Variants in WSB1 observed in about 807,000 individuals in gnomAD.
WSB1 encodes the protein WD repeat and SOCS box containing 1, also known as WD repeat and SOCS box-containing protein 1.
In WSB1, 23 loss-of-function variants were observed where a neutral mutation model predicts 50.2. The ratio of observed to expected loss-of-function variants is 0.46; its 90% CI spans 0.33 to 0.65. The LOEUF (loss-of-function observed/expected upper bound fraction) is 0.65, where lower values mean the gene tolerates loss of function less well. WSB1 is among the 30% of genes least tolerant of loss of function. WSB1 has a pLI of 0.02. For synonymous variants in WSB1, 179 were observed against 172.0 expected, an observed-to-expected ratio of 1.04 and a Z score of -0.32; for missense variants, 492 against 522.3, an observed-to-expected ratio of 0.94 and a Z score of 0.56.
chr17:27,304,210 G>A (rs2017350242), intron 3 of WSB1, among the ~76,000 whole-genome samples: 1 of 151,962 alleles, frequency 6.6e-6, no homozygotes, highest in African/African-American at 2.4e-5. Flanking sequence ...TACTAACATA[G>A]GTGATAATGA....
intron 1 of WSB1, among the ~76,000 whole-genome samples, chr17:27,295,806 A>G (rs1348116224): frequency 6.7e-6 from 1 of 148,922 alleles, no homozygotes; most frequent in Admixed American, 6.7e-5. Context: ...CTGATAAACC[A>G]TTTTGAAAAC....
chr17:27,310,096 G>A lies in WSB1; in HGVS notation c.920G>A (p.Gly307Glu). 4 of 1,614,070 alleles carry A rather than the reference G, an allele frequency of 2.5e-6. No individual in the cohort carries two copies. The highest frequency in any genetic ancestry group is 3.4e-6 in the Non-Finnish European group (4 of 1,179,970). ...LFPPPTPIFA[G>E]GANDRWVRSV... ...CCCCCACCTACTCCAATATTTGCTGGAGGAGCAAATGACCGGTGGGTACGA... is the reference window on the plus strand; with the variant it reads ...CCCCCACCTACTCCAATATTTGCTGAAGGAGCAAATGACCGGTGGGTACGA... The change falls in exon 7 of 9, where the codon GGA becomes GAA. Residue 307 changes from glycine to glutamate, a missense_variant. Physicochemically the swap from Gly to Glu is moderately conservative, Grantham distance 98. Transcript: ENST00000262394.
At chr17:27,297,204 C>G (rs183743083) in intron 1 of WSB1, 2 of 152,050 alleles carry the variant, frequency 1.3e-5, no homozygotes, top group East Asian at 3.8e-4. Context: ...CTCGCTCCGT[C>G]GTCCAGGCTG....
intron 5 of WSB1, 77 bp downstream of exon 5, chr17:27,306,959 A>G (rs1567689905): frequency 7.1e-7 from 1 of 1,407,300 alleles, no homozygotes; most frequent in Non-Finnish European, 1.0e-6. Flanking sequence ...AAATCTAAGT[A>G]ACCTATGAAG....
Position 27,312,238 on chromosome 17 carries a change from G to C in WSB1, c.1135G>C (p.Ala379Pro). The C allele has an allele frequency of 6.2e-7, 1 of 1,611,772 alleles. No homozygotes were observed. The highest frequency in any genetic ancestry group is 8.5e-7 in the Non-Finnish European group (1 of 1,179,494). ...GTHDGSVYFW[A>P]TPRQVPSLQH... ...ACATGACGGAAGTGTGTATTTTTGG[G>C]CCACTCCACGGCAGGTCCCTAGCCT... The change falls in exon 9 of 9, where the codon GCC becomes CCC. Residue 379 changes from alanine to proline, a missense_variant. Coordinates refer to ENST00000262394, the MANE Select transcript of WSB1 (RefSeq NM_015626.10).
At position 27,313,090 on chromosome 17, in the gene WSB1, T is replaced by C. The variant is rs1488962531; in HGVS notation, c.*721T>C. Reference sequence around the variant, plus strand: ...CTCATACGAAATGTATTTGGTTTTGTTGGAGAGTGTCAGACTGATCTGGAA... The same window carrying C: ...CTCATACGAAATGTATTTGGTTTTGCTGGAGAGTGTCAGACTGATCTGGAA... On this transcript the variant is annotated 3_prime_UTR_variant, in exon 9 of 9. Transcript: ENST00000262394. 6.6e-6 allele frequency: 1 copy of C among 152,410 alleles called. No homozygotes were observed. The highest frequency in any genetic ancestry group is 6.6e-5 in the Admixed American group (1 of 15,248). The allele number at this position is 152,410 out of a possible 1,614,324, so 9.4% of individuals were successfully genotyped here.
At chr17:27,294,843 C>A (rs577244073) in intron 1 of WSB1, among the ~76,000 whole-genome samples, 1 of 152,272 alleles carries the variant, frequency 6.6e-6, no homozygotes, top group South Asian at 2.1e-4. Flanking sequence ...AGGGGGTCCT[C>A]GTGTGTACCA....
intron 7 of WSB1, among the ~76,000 whole-genome samples, chr17:27,310,528 G>A (rs2017637829): frequency 6.6e-6 from 1 of 152,210 alleles, no homozygotes; most frequent in South Asian, 2.1e-4. Flanking sequence ...CAAATAAATA[G>A]TAATTTGTAT....
At chr17:27,307,987 A>G (rs2017527567) in intron 5 of WSB1, 1 of 1,241,228 alleles carries the variant, frequency 8.1e-7, no homozygotes, top group South Asian at 3.5e-5. Context: ...AATTTCCCCC[A>G]CAGTAAAATA....
chr17:27,299,832 C>T (rs1330209727), intron 1 of WSB1, among the ~76,000 whole-genome samples: 3 of 152,106 alleles, frequency 2.0e-5, no homozygotes, highest in Non-Finnish European at 4.4e-5. Flanking sequence ...CAGGCTTATT[C>T]TCTTAGGTCA....
chr17:27,312,361 C>G lies in WSB1; in HGVS notation c.1258C>G (p.Arg420Gly). 1 of 1,613,938 alleles carries G rather than the reference C, an allele frequency of 6.2e-7. No individual in the cohort carries two copies. Among genetic ancestry groups the G allele is most frequent in the African/African-American group, 1.3e-5 (1 of 75,030 alleles). ...CAAGCTTTTGGAGTTTCTCTCGTATCGTATTTAGAAGATTCTGCCTTCCCT... is the reference window on the plus strand; with the variant it reads ...CAAGCTTTTGGAGTTTCTCTCGTATGGTATTTAGAAGATTCTGCCTTCCCT... ...PSKLLEFLSY[R>G]I is the part of the protein sequence containing the mutation. The change falls in exon 9 of 9, where the codon CGT becomes GGT. Residue 420 changes from arginine to glycine, a missense_variant. Arg to Gly is a moderately radical substitution (Grantham distance 125, BLOSUM62 -2). Transcript: ENST00000262394.
chr17:27,307,103 G>A (rs1597765026), intron 5 of WSB1: 1 of 524,940 alleles, frequency 1.9e-6, no homozygotes, highest in East Asian at 3.3e-5. Flanking sequence ...AGATAATAAT[G>A]GGCATATCAG....
Position 27,313,967 on chromosome 17 carries a change from T to A in WSB1, c.*1598T>A, listed in dbSNP as rs1279957927. ...GTCTATCTGGTTAAAGTAGTTATTA[T>A]GAAAATCTAGCAGTCTGGGTCCTTT... On this transcript the variant is annotated 3_prime_UTR_variant, in exon 9 of 9. Coordinates refer to ENST00000262394, the MANE Select transcript of WSB1 (RefSeq NM_015626.10). 1.3e-5 allele frequency: 2 copies of A among 152,324 alleles called. No homozygotes were observed. Among genetic ancestry groups the A allele is most frequent in the East Asian group, 3.9e-4 (2 of 5,192 alleles). 9.4% of individuals were successfully genotyped at this position (152,324 alleles called of 1,614,324 possible).
rs375427589 is a variant in WSB1 at position 27,303,357 on chromosome 17, C to T, written c.210-10C>T. ...ATAATACAATTTCCATCTGACTTCC[C>T]CCACTCCAGTCTCTTGCATGGCACC... is the stretch of plus-strand genomic sequence containing the variant. On this transcript the variant is annotated splice_polypyrimidine_tract_variant and intron_variant, in intron 2 of 8. Transcript: ENST00000262394. 793 of 1,611,734 alleles carry T rather than the reference C, an allele frequency of 4.9e-4. 1 individual carries two copies. Among genetic ancestry groups the T allele is most frequent in the Non-Finnish European group, 6.4e-4 (753 of 1,178,620 alleles).
Position 27,309,184 on chromosome 17 carries a change from C to G in WSB1, c.796C>G (p.Pro266Ala), listed in dbSNP as rs1332432218. Residue 266 changes from proline to alanine, a missense_variant, in exon 6 of 9, where the codon CCT becomes GCT. By Grantham distance (27) the Pro-to-Ala change is conservative. Transcript: ENST00000262394. ...TGATGTGGTAGCTTGTGACTTTTCT[C>G]CTGATGGAGCATTACTGGCTACTGC... The part of the protein sequence containing the change: ...HHDVVACDFS[P>A]DGALLATASY... The G allele has an allele frequency of 1.2e-6, 2 of 1,613,402 alleles. No homozygotes were observed. The highest frequency in any genetic ancestry group is 1.7e-6 in the Non-Finnish European group (2 of 1,179,756).
Position 27,303,892 on chromosome 17 carries a change from T to G in WSB1, c.478+257T>G, listed in dbSNP as rs1597759173. On this transcript the variant is annotated intron_variant, in intron 3 of 8. Coordinates refer to ENST00000262394, the MANE Select transcript of WSB1 (RefSeq NM_015626.10). ...AAAGGGTTTTCCAGGGAATGTTTAGTTAGTTGTCCTTTATAAACTAGTTAT... is the reference window on the plus strand; with the variant it reads ...AAAGGGTTTTCCAGGGAATGTTTAGGTAGTTGTCCTTTATAAACTAGTTAT... 4 of 404,990 alleles carry G rather than the reference T, an allele frequency of 9.9e-6. No individual in the cohort carries two copies. In the East Asian group the frequency reaches 1.6e-4, roughly 16 times the overall value. 25.1% of individuals were successfully genotyped at this position (404,990 alleles called of 1,614,324 possible).
At chr17:27,294,514 G>T in intron 1 of WSB1, 79 bp downstream of exon 1, 1 of 1,581,402 alleles carries the variant, frequency 6.3e-7, no homozygotes, top group South Asian at 1.1e-5. Flanking sequence ...GGGAGGAAGC[G>T]ACTCCAAGTC....
intron 4 of WSB1, 140 bp downstream of exon 4, chr17:27,305,051 C>T: frequency 9.5e-7 from 1 of 1,057,882 alleles, no homozygotes; most frequent in Non-Finnish European, 1.4e-6. Flanking sequence ...ACTTAGGTTC[C>T]TTTCCTGAAT....
rs2017302656 is a variant in WSB1, at chr17:27,303,092, T to G, written c.210-275T>G. 7 of 287,522 alleles carry G rather than the reference T, an allele frequency of 2.4e-5. No homozygotes were observed. In the South Asian group the frequency reaches 4.6e-4, roughly 19 times the overall value. 17.8% of individuals were successfully genotyped at this position (287,522 alleles called of 1,614,324 possible). A position where few individuals can be genotyped will look rare whatever the true frequency, so the allele number is the denominator to read the frequency against. On this transcript the variant is annotated intron_variant, in intron 2 of 8. Coordinates refer to ENST00000262394, the MANE Select transcript of WSB1 (RefSeq NM_015626.10). ...TTAGGTTGAAGGAGCACCAGTTGAT[T>G]CGGTGGTTTTGAGGAAAATTTGGGA...
Sources: allele counts gnomAD v4.1 joint callset (sites outside exome capture counted in the v4.1 genomes callset), GRCh38; gene constraint gnomAD v4.1.1; transcripts MANE v1.5; gene names NCBI Gene and HGNC (gene_info 2026-07-23, HGNC 2026-07-21).